Variants in CBLB observed in about 807,000 individuals in gnomAD.
CBLB encodes the protein E3 ubiquitin-protein ligase CBL-B.
In CBLB, 31 loss-of-function variants were observed where a neutral mutation model predicts 104.9. The observed-to-expected ratio is 0.30, with a 90% confidence interval of 0.22 to 0.40. The LOEUF is 0.40. CBLB is among the 10% of genes least tolerant of loss of function. CBLB has a pLI of 1.00. For synonymous variants in CBLB, 440 were observed against 422.6 expected, an observed-to-expected ratio of 1.04 and a Z score of -0.51; for missense variants, 1,062 against 1,214.6, an observed-to-expected ratio of 0.87 and a Z score of 1.87.
intron 4 of CBLB, among the ~76,000 whole-genome samples, chr3:105,766,437 GA>G (rs1170861631): frequency 6.6e-6 from 1 of 152,142 alleles, no homozygotes; most frequent in African/African-American, 2.4e-5. Flanking sequence ...GCATGTTATA[GA>G]TAAATATTAC....
At chr3:105,756,735 T>C (rs1291032019) in intron 4 of CBLB, among the ~76,000 whole-genome samples, 2 of 152,124 alleles carry the variant, frequency 1.3e-5, no homozygotes, top group Non-Finnish European at 2.9e-5. Flanking sequence ...CATAAACAAA[T>C]AGATGGAACA....
At chr3:105,782,052 A>T (rs1191186894) in intron 3 of CBLB, among the ~76,000 whole-genome samples, 2 of 152,184 alleles carry the variant, frequency 1.3e-5, no homozygotes, top group Non-Finnish European at 2.9e-5. Context: ...TTCTGACCTT[A>T]GGAATGTTGT....
At chr3:105,785,121 G>A (rs1410724356) in intron 3 of CBLB, among the ~76,000 whole-genome samples, 5 of 152,202 alleles carry the variant, frequency 3.3e-5, no homozygotes, top group South Asian at 2.1e-4. Context: ...CTCTATCAGC[G>A]CACATCTTTG....
intron 10 of CBLB, among the ~76,000 whole-genome samples, chr3:105,708,960 C>T (rs1324214892): frequency 6.6e-6 from 1 of 151,918 alleles, no homozygotes; most frequent in Non-Finnish European, 1.5e-5. Context: ...TGCCCATCTA[C>T]ACTGCCAAAA....
chr3:105,819,135 TGAAGA>T (rs1314516553), intron 3 of CBLB, among the ~76,000 whole-genome samples: 15 of 152,314 alleles, frequency 9.8e-5, no homozygotes, highest in South Asian at 2.1e-4. Flanking sequence ...TGAAAACACT[TGAAGA>T]GAAAAGTAAA....
At chr3:105,678,344 A>G in intron 17 of CBLB, 87 bp downstream of exon 17, 1 of 1,308,724 alleles carries the variant, frequency 7.6e-7, no homozygotes, top group Non-Finnish European at 1.1e-6. Flanking sequence ...GGTAGAGACT[A>G]ATGAATCACT....
intron 4 of CBLB, among the ~76,000 whole-genome samples, chr3:105,755,454 G>T (rs2077003824): frequency 6.7e-6 from 1 of 149,324 alleles, no homozygotes; most frequent in Admixed American, 6.7e-5. Flanking sequence ...GCAATTTTAA[G>T]AAAAGGTAAG....
chr3:105,834,457 C>A lies in CBLB; in HGVS notation c.419+18957G>T, dbSNP rs867248482. Among the ~76,000 whole-genome samples the A allele has an allele frequency of 7.9e-5, 12 of 152,068 alleles. No homozygotes were observed. The South Asian group carries it at 1.7e-3, about 21-fold the overall frequency. ...GGATCACGAGGTCAGGAGATGGAGA[C>A]CATCCTGGCTAACACGGTGAAACCC... On this transcript the variant is annotated intron_variant, in intron 3 of 18. Transcript: ENST00000394030.
chr3:105,703,929 G>A, intron 11 of CBLB, 59 bp downstream of exon 11: 1 of 1,463,850 alleles, frequency 6.8e-7, no homozygotes, highest in Non-Finnish European at 9.6e-7. Flanking sequence ...AAAAGAATCT[G>A]AGCAATCAAT....
At chr3:105,719,138 G>C (rs543657383) in intron 10 of CBLB, among the ~76,000 whole-genome samples, 3 of 152,274 alleles carry the variant, frequency 2.0e-5, no homozygotes, top group East Asian at 3.9e-4. Context: ...CAAACAGTGA[G>C]ACAGCCTTCC....
At chr3:105,678,188 A>G (rs1263128171) in intron 17 of CBLB, among the ~76,000 whole-genome samples, 1 of 152,166 alleles carries the variant, frequency 6.6e-6, no homozygotes, top group African/African-American at 2.4e-5. Flanking sequence ...TGGACTGGAC[A>G]ATCTCTACAG....
intron 18 of CBLB, among the ~76,000 whole-genome samples, chr3:105,665,434 T>TATATATACACACACACACAC (rs2064313340): frequency 2.7e-5 from 3 of 112,178 alleles, no homozygotes; most frequent in African/African-American, 1.1e-4. Context: ...TATATATATA[T>TATATATACACACACACACAC]ATATATATAC....
chr3:105,834,986 A>G (rs2088223480), intron 3 of CBLB, among the ~76,000 whole-genome samples: 1 of 152,218 alleles, frequency 6.6e-6, no homozygotes, highest in Non-Finnish European at 1.5e-5. Flanking sequence ...TGTACAAACT[A>G]TGTAACATTT....
At chr3:105,712,813 A>T (rs1321134908) in intron 10 of CBLB, among the ~76,000 whole-genome samples, 8 of 152,232 alleles carry the variant, frequency 5.3e-5, no homozygotes, top group Non-Finnish European at 1.0e-4. Context: ...ATGTTAAAGA[A>T]ATACAACCAA....
At chr3:105,786,849 C>T (rs1352642517) in intron 3 of CBLB, among the ~76,000 whole-genome samples, 1 of 152,144 alleles carries the variant, frequency 6.6e-6, no homozygotes, top group Non-Finnish European at 1.5e-5. Flanking sequence ...CACATGTGTT[C>T]TTTGTCATAT....
chr3:105,831,948 G>T (rs897226183), intron 3 of CBLB, among the ~76,000 whole-genome samples: 15 of 152,076 alleles, frequency 9.9e-5, no homozygotes, highest in Non-Finnish European at 2.1e-4. Context: ...TACACAGAGG[G>T]ATACTGAACA....
At chr3:105,669,567 A>G (rs1284678725) in intron 18 of CBLB, among the ~76,000 whole-genome samples, 1 of 152,216 alleles carries the variant, frequency 6.6e-6, no homozygotes, top group Non-Finnish European at 1.5e-5. Context: ...AAGTGTTAAT[A>G]CTTTAGCAGA....
At chr3:105,803,830 C>A (rs1434753182) in intron 3 of CBLB, among the ~76,000 whole-genome samples, 12 of 152,144 alleles carry the variant, frequency 7.9e-5, no homozygotes, top group Admixed American at 7.9e-4. Context: ...TTTTAAGTTA[C>A]ATTTTCCCCT....
At chr3:105,693,834 T>A (rs1454186192) in intron 12 of CBLB, among the ~76,000 whole-genome samples, 2 of 152,026 alleles carry the variant, frequency 1.3e-5, no homozygotes, top group African/African-American at 4.8e-5. Flanking sequence ...GGGAATACTA[T>A]AATTTATATA....
Sources: gnomAD v4.1 joint callset for allele counts (sites outside exome capture counted in the v4.1 genomes callset) on GRCh38, gnomAD v4.1.1 for gene constraint, MANE v1.5 for transcripts, NCBI Gene and HGNC (gene_info 2026-07-23, HGNC 2026-07-21) for gene names.